Variants in CCSER1 observed in about 807,000 individuals in gnomAD.
CCSER1 encodes the protein serine-rich coiled-coil domain-containing protein 1.
In CCSER1, 41 loss-of-function variants were observed where a neutral mutation model predicts 82.0. The ratio of observed to expected loss-of-function variants is 0.50; its 90% confidence interval spans 0.39 to 0.65. The LOEUF is 0.65. Among genes scored for constraint, CCSER1 ranks in the 30% least tolerant of loss-of-function variants. The probability of loss-of-function intolerance (pLI) is 0.00; values close to 1 mark genes in which losing one functional copy is unlikely to be tolerated. For missense variants in CCSER1, 1,119 were observed against 1,064.2 expected, an observed-to-expected ratio of 1.05 and a Z score of -0.72; for synonymous variants, 414 against 383.9, an observed-to-expected ratio of 1.08 and a Z score of -0.92.
In CCSER1 at chr4:90,157,987, T is replaced by C. The variant is rs533970422; in HGVS notation, c.-42+30156T>C. 8.5e-5 allele frequency among the ~76,000 whole-genome samples: 13 copies of C among 152,308 alleles called. No individual in the cohort carries two copies. In the East Asian group the frequency reaches 1.2e-3, roughly 14 times the overall value. ...GTTTCCAGTTTTTCTGCTCGGTTTT[T>C]CCCCCATCTTTGTGGTTTTATCTAC... On this transcript the variant is annotated intron_variant, in intron 1 of 10. Coordinates refer to ENST00000509176, the MANE Select transcript of CCSER1 (RefSeq NM_001145065.2).
In CCSER1 at chr4:91,329,336, T is replaced by G. The variant is rs1578203200; in HGVS notation, c.2217+243342T>G. On this transcript the variant is annotated intron_variant, in intron 10 of 10. Coordinates refer to ENST00000509176, the MANE Select transcript of CCSER1 (RefSeq NM_001145065.2). ...TAATTTCTGATGCTGTGTGTTAATT[T>G]TCTTTTACAATTTACTAAGTAGAAT... 3.9e-5 allele frequency among the ~76,000 whole-genome samples: 6 copies of G among 152,348 alleles called. 1 individual carries two copies. The Middle Eastern group carries it at 0.02, about 518-fold the overall frequency.
intron 10 of CCSER1, among the ~76,000 whole-genome samples, chr4:91,531,112 A>G (rs2110168227): frequency 6.6e-6 from 1 of 152,294 alleles, no homozygotes; most frequent in Admixed American, 6.5e-5. Context: ...TTTAATGTAT[A>G]TAGGTAGTAA....
intron 7 of CCSER1, among the ~76,000 whole-genome samples, chr4:90,770,005 G>A (rs575526485): frequency 1.3e-5 from 2 of 152,258 alleles, no homozygotes. Context: ...GAAAGCTACT[G>A]CTGAGACTAG....
chr4:90,889,421 C>T (rs1297194927), intron 8 of CCSER1, among the ~76,000 whole-genome samples: 1 of 152,148 alleles, frequency 6.6e-6, no homozygotes, highest in Non-Finnish European at 1.5e-5. Context: ...ACAAACCTGA[C>T]TATTGTTTCT....
intron 1 of CCSER1, among the ~76,000 whole-genome samples, chr4:90,156,454 T>C (rs1728196431): frequency 6.6e-6 from 1 of 152,184 alleles, no homozygotes; most frequent in South Asian, 2.1e-4. Flanking sequence ...CGTTGATCTG[T>C]CTAATGTTGA....
chr4:91,590,623 G>A (rs1258623036), intron 10 of CCSER1, among the ~76,000 whole-genome samples: 1 of 152,090 alleles, frequency 6.6e-6, no homozygotes, highest in Non-Finnish European at 1.5e-5. Flanking sequence ...TGAGAAAGAC[G>A]CACATTTTAG....
chr4:90,205,529 G>A (rs1052351496), intron 1 of CCSER1, among the ~76,000 whole-genome samples: 1 of 152,180 alleles, frequency 6.6e-6, no homozygotes, highest in Non-Finnish European at 1.5e-5. Context: ...AACCAATCTT[G>A]CATCCCAGGG....
chr4:90,785,442 A>G (rs916568231), intron 7 of CCSER1, among the ~76,000 whole-genome samples: 2 of 152,228 alleles, frequency 1.3e-5, no homozygotes, highest in African/African-American at 2.4e-5. Flanking sequence ...GCAGCTGGAT[A>G]AAGTTCAAGT....
At chr4:90,960,708 G>A (rs11943664) in intron 9 of CCSER1, among the ~76,000 whole-genome samples, 4,166 of 152,160 alleles carry the variant, frequency 0.027, 190 homozygotes, top group African/African-American at 0.095. Context: ...TTCTGTTTAT[G>A]GAACCGCTGT....
intron 8 of CCSER1, among the ~76,000 whole-genome samples, chr4:90,896,497 T>G (rs1186779281): frequency 1.3e-5 from 2 of 151,962 alleles, no homozygotes; most frequent in Admixed American, 1.3e-4. Context: ...AAAATAATTA[T>G]TTAAAATTAA....
At chr4:91,049,484 A>T (rs1742811991) in intron 9 of CCSER1, among the ~76,000 whole-genome samples, 1 of 152,224 alleles carries the variant, frequency 6.6e-6, no homozygotes, top group African/African-American at 2.4e-5. Flanking sequence ...AGGGCAACAA[A>T]TATGAAAAGG....
chr4:91,390,641 A>G (rs1451332304), intron 10 of CCSER1, among the ~76,000 whole-genome samples: 1 of 151,976 alleles, frequency 6.6e-6, no homozygotes, highest in Non-Finnish European at 1.5e-5. Flanking sequence ...TCTGAATGAT[A>G]GTGTAGAGAA....
Position 90,944,246 on chromosome 4 carries a change from A to AT in CCSER1, c.2172+20799_2172+20800insT, listed in dbSNP as rs1422249244. Among the ~76,000 whole-genome samples the AT allele has an allele frequency of 2.0e-5, 3 of 151,836 alleles. No homozygotes were observed. In the East Asian group the frequency reaches 5.8e-4, roughly 29 times the overall value. ...GACTCCGCCTCAAAAAAAAAAAAAA[A>AT]AATTGAAAAATACCTAGTAGAATGC... is the stretch of plus-strand genomic sequence containing the variant. On this transcript the variant is annotated intron_variant, in intron 9 of 10. Transcript: ENST00000509176.
chr4:91,408,384 G>T (rs150021969), intron 10 of CCSER1, among the ~76,000 whole-genome samples: 169 of 152,252 alleles, frequency 1.1e-3, no homozygotes, highest in Non-Finnish European at 2.1e-3. Context: ...ATCTCATGAT[G>T]CAAGATTAAA....
intron 5 of CCSER1, among the ~76,000 whole-genome samples, chr4:90,600,388 A>T (rs2148747485): frequency 6.6e-6 from 1 of 152,170 alleles, no homozygotes; most frequent in South Asian, 2.1e-4. Context: ...ATTTGTGTGT[A>T]GTCATTTTTC....
In CCSER1 at chr4:91,088,429, C is replaced by A. The variant is rs141720528; in HGVS notation, c.2217+2435C>A. ...ATGCTATTTAGCTAAGTGGTAAATA[C>A]CATTAAAAAACGAATTGCCAGACAG... On this transcript the variant is annotated intron_variant, in intron 10 of 10. Transcript: ENST00000509176. Among the ~76,000 whole-genome samples the A allele has an allele frequency of 7.9e-3, 1,204 of 151,802 alleles. 17 individuals are homozygous for A. Among genetic ancestry groups the A allele is most frequent in the African/African-American group, 0.027 (1,131 of 41,404 alleles).
intron 6 of CCSER1, among the ~76,000 whole-genome samples, chr4:90,668,746 T>G (rs1358320096): frequency 6.6e-6 from 1 of 152,126 alleles, no homozygotes; most frequent in Non-Finnish European, 1.5e-5. Context: ...TTTGGGAATT[T>G]TTTAGATCAA....
chr4:90,277,600 T>C (rs1728070069), intron 1 of CCSER1, among the ~76,000 whole-genome samples: 1 of 152,150 alleles, frequency 6.6e-6, no homozygotes, highest in African/African-American at 2.4e-5. Flanking sequence ...ATTCAATAAA[T>C]GGTGCTGGGA....
chr4:91,010,192 T>G (rs888842003), intron 9 of CCSER1, among the ~76,000 whole-genome samples: 2 of 152,128 alleles, frequency 1.3e-5, no homozygotes, highest in African/African-American at 4.8e-5. Flanking sequence ...CAGGGTTTTT[T>G]TTGTTTTTGT....
Sources: allele counts gnomAD v4.1 joint callset (sites outside exome capture counted in the v4.1 genomes callset), GRCh38; gene constraint gnomAD v4.1.1; transcripts MANE v1.5; gene names NCBI Gene and HGNC (gene_info 2026-07-23, HGNC 2026-07-21).